The following SPAG16 variants were observed in gnomAD, a reference collection of about 807,000 sequenced individuals.
SPAG16 encodes the protein sperm associated antigen 16.
SPAG16 carries 86 observed loss-of-function variants against 80.4 expected under a neutral mutation model. The observed-to-expected ratio is 1.07, with a 90% CI of 0.90 to 1.28. The LOEUF is 1.28. SPAG16 is among the 50% of genes most tolerant of loss of function. The pLI, the probability that SPAG16 is intolerant of heterozygous loss-of-function variation, is 0.00. For missense variants in SPAG16, 870 were observed against 765.3 expected (o/e 1.14, Z -1.61); for synonymous variants, 294 against 265.9 (o/e 1.11, Z -1.03).
At chr2:213,510,543 T>C (rs1351022258) in intron 10 of SPAG16, among the ~76,000 whole-genome samples, 1 of 152,200 alleles carries the variant, frequency 6.6e-6, no homozygotes, top group East Asian at 1.9e-4. Flanking sequence ...TAATATGGAA[T>C]ATATTTGACT....
chr2:213,586,647 A>T (rs2124891683), intron 10 of SPAG16, among the ~76,000 whole-genome samples: 1 of 152,358 alleles, frequency 6.6e-6, no homozygotes, highest in Admixed American at 6.5e-5. Flanking sequence ...TCAATGTCTC[A>T]TCTAAACATG....
intron 10 of SPAG16, among the ~76,000 whole-genome samples, chr2:213,641,760 T>A (rs2062600021): frequency 6.6e-6 from 1 of 152,246 alleles, no homozygotes; most frequent in Non-Finnish European, 1.5e-5. Flanking sequence ...CACACTGCTA[T>A]AAAGATACTA....
intron 15 of SPAG16, among the ~76,000 whole-genome samples, chr2:214,200,387 T>A (rs943460503): frequency 5.3e-5 from 8 of 152,228 alleles, no homozygotes; most frequent in Admixed American, 4.6e-4. Context: ...ATGTATCACA[T>A]TTATTGATTT....
chr2:214,388,376 G>A (rs949030766), intron 15 of SPAG16, among the ~76,000 whole-genome samples: 1 of 152,126 alleles, frequency 6.6e-6, no homozygotes, highest in Non-Finnish European at 1.5e-5. Context: ...GTTCATTAAT[G>A]TCATGGTATA....
chr2:214,380,905 G>A (rs1700411755), intron 15 of SPAG16, among the ~76,000 whole-genome samples: 1 of 152,262 alleles, frequency 6.6e-6, no homozygotes, highest in Non-Finnish European at 1.5e-5. Flanking sequence ...ATTTATTAAG[G>A]CAATTTCAGT....
At chr2:213,980,209 T>G (rs1032217949) in intron 12 of SPAG16, among the ~76,000 whole-genome samples, 5 of 137,614 alleles carry the variant, frequency 3.6e-5, no homozygotes, top group Admixed American at 7.7e-5. Flanking sequence ...TATATATATA[T>G]AGAATATATG....
At chr2:213,544,977 A>G (rs979443171) in intron 10 of SPAG16, among the ~76,000 whole-genome samples, 2 of 152,118 alleles carry the variant, frequency 1.3e-5, no homozygotes, top group Non-Finnish European at 2.9e-5. Flanking sequence ...AGCTGCTATA[A>G]ACATCCGTGT....
rs2051363702 is a variant in SPAG16, at chr2:214,081,030, CTT to C, written c.1528-27164_1528-27163del. Among the ~76,000 whole-genome samples the C allele has an allele frequency of 3.3e-5, 5 of 151,734 alleles. No individual in the cohort carries two copies. The South Asian group carries it at 1.0e-3, about 32-fold the overall frequency. ...GAATAAGAAAATAGTATCTCAGATGCTTTCACATACAGGGCTATATATTAATG... is the reference window on the plus strand; with the variant it reads ...GAATAAGAAAATAGTATCTCAGATGCTCACATACAGGGCTATATATTAATG... On this transcript the variant is annotated intron_variant, in intron 13 of 15. Coordinates refer to ENST00000331683, the MANE Select transcript of SPAG16 (RefSeq NM_024532.5).
At chr2:213,576,051 T>A (rs1368528351) in intron 10 of SPAG16, among the ~76,000 whole-genome samples, 1 of 152,192 alleles carries the variant, frequency 6.6e-6, no homozygotes, top group East Asian at 1.9e-4. Flanking sequence ...TTTTTATAGT[T>A]TTAGGTTTTA....
chr2:213,595,851 ATAGAG>A (rs1476222200), intron 10 of SPAG16, among the ~76,000 whole-genome samples: 2 of 152,106 alleles, frequency 1.3e-5, no homozygotes, highest in African/African-American at 4.8e-5. Flanking sequence ...TTTTATTAAA[ATAGAG>A]TATTTATTCT....
chr2:213,499,981 C>A (rs2074668136), intron 10 of SPAG16, among the ~76,000 whole-genome samples: 1 of 152,096 alleles, frequency 6.6e-6, no homozygotes, highest in Non-Finnish European at 1.5e-5. Context: ...TCTATTTGGC[C>A]TTCTCGATTC....
intron 10 of SPAG16, among the ~76,000 whole-genome samples, chr2:213,494,810 C>T (rs551512351): frequency 2.0e-5 from 3 of 152,312 alleles, no homozygotes; most frequent in East Asian, 1.9e-4. Flanking sequence ...CCCACTCTCC[C>T]TTGCCCTATC....
intron 10 of SPAG16, among the ~76,000 whole-genome samples, chr2:213,553,940 T>TG (rs2059341239): frequency 1.3e-5 from 2 of 152,158 alleles, no homozygotes; most frequent in Non-Finnish European, 2.9e-5. Context: ...GACTTGGCAG[T>TG]GGGGGAGTCA....
At chr2:213,377,625 G>A (rs769515115) in intron 9 of SPAG16, among the ~76,000 whole-genome samples, 11 of 152,086 alleles carry the variant, frequency 7.2e-5, no homozygotes, top group Non-Finnish European at 1.2e-4. Context: ...GTGGCCGTTC[G>A]TAAATCTTTT....
At chr2:213,835,993 T>C (rs2074050262) in intron 10 of SPAG16, among the ~76,000 whole-genome samples, 1 of 152,172 alleles carries the variant, frequency 6.6e-6, no homozygotes, top group South Asian at 2.1e-4. Flanking sequence ...TGTTTGTATA[T>C]GTTGATAAGT....
At chr2:214,391,929 G>C (rs1701103064) in intron 15 of SPAG16, among the ~76,000 whole-genome samples, 1 of 152,046 alleles carries the variant, frequency 6.6e-6, no homozygotes, top group Non-Finnish European at 1.5e-5. Context: ...AAATCAAAAG[G>C]GGCCCTGGAC....
chr2:213,593,868 C>T (rs926701698), intron 10 of SPAG16, among the ~76,000 whole-genome samples: 2 of 147,058 alleles, frequency 1.4e-5, no homozygotes, highest in Admixed American at 6.9e-5. Context: ...TCCGCCTCCC[C>T]GGTTCCCGCT....
intron 10 of SPAG16, among the ~76,000 whole-genome samples, chr2:213,632,086 A>G (rs1380241954): frequency 6.6e-6 from 1 of 152,114 alleles, no homozygotes; most frequent in Admixed American, 6.6e-5. Flanking sequence ...TTGACATTTT[A>G]AAAATACTGA....
At chr2:214,231,216 A>G (rs1688680911) in intron 15 of SPAG16, among the ~76,000 whole-genome samples, 1 of 151,984 alleles carries the variant, frequency 6.6e-6, no homozygotes. Flanking sequence ...TTTATTGACT[A>G]AAATATTTCA....
Sources: gnomAD v4.1 joint callset for allele counts (sites outside exome capture counted in the v4.1 genomes callset) on GRCh38, gnomAD v4.1.1 for gene constraint, MANE v1.5 for transcripts, NCBI Gene and HGNC (gene_info 2026-07-23, HGNC 2026-07-21) for gene names.